C2CD2: variants seen among roughly 807,000 people sequenced by gnomAD.
The protein encoded by C2CD2 is C2 calcium dependent domain containing 2.
Under a neutral mutation model 74.3 loss-of-function variants are expected in C2CD2, and 43 were observed. The observed-to-expected ratio is 0.58, with a 90% CI of 0.45 to 0.75. The LOEUF is 0.75. Among genes scored for constraint, C2CD2 ranks in the 30% least tolerant of loss-of-function variants. The pLI is 0.00. For missense variants in C2CD2, 801 were observed against 916.3 expected, an observed-to-expected ratio of 0.87 and a Z score of 1.63; for synonymous variants, 422 against 390.7, an observed-to-expected ratio of 1.08 and a Z score of -0.94.
At chr21:41,925,805 C>T (rs1455457180) in intron 2 of C2CD2, among the ~76,000 whole-genome samples, 1 of 152,200 alleles carries the variant, frequency 6.6e-6, no homozygotes. Flanking sequence ...CTCCTCCTCT[C>T]TAGTTAGCCT....
chr21:41,951,145 C>T (rs780170983), intron 1 of C2CD2, among the ~76,000 whole-genome samples: 5 of 152,132 alleles, frequency 3.3e-5, no homozygotes, highest in African/African-American at 4.8e-5. Flanking sequence ...ATGTGTGTGA[C>T]AATCGCTGGA....
At chr21:41,893,946 A>G (rs1050759827) in intron 13 of C2CD2, among the ~76,000 whole-genome samples, 2 of 152,010 alleles carry the variant, frequency 1.3e-5, no homozygotes, top group African/African-American at 4.8e-5. Context: ...TGATCCGCCC[A>G]CCTCGGCCTC....
intron 5 of C2CD2, 115 bp downstream of exon 5, chr21:41,917,990 T>C (rs747419380): frequency 8.0e-7 from 1 of 1,244,118 alleles, no homozygotes. Flanking sequence ...CCGAGCCATC[T>C]TGGCTCTACC....
Position 41,942,970 on chromosome 21 carries a change from G to A in C2CD2, c.280-725C>T, listed in dbSNP as rs1016045328. 34 of 983,774 alleles carry A rather than the reference G, an allele frequency of 3.5e-5. No homozygotes were observed. The East Asian group carries it at 5.7e-4, about 16-fold the overall frequency. The allele number at this position is 983,774 out of a possible 1,614,324, so 60.9% of individuals were successfully genotyped here. ...CCCCCAGCATCCTTCCAGGAAACTC[G>A]GTCAGCTCATGTCTGTTCTGGTTCT... On this transcript the variant is annotated intron_variant, in intron 1 of 13. Coordinates refer to ENST00000380486, the MANE Select transcript of C2CD2 (RefSeq NM_015500.2).
chr21:41,951,887 C>A (rs1047041361), intron 1 of C2CD2, among the ~76,000 whole-genome samples: 2 of 152,186 alleles, frequency 1.3e-5, no homozygotes, highest in Non-Finnish European at 2.9e-5. Context: ...GAGTTAGAAG[C>A]TGAACTTAAA....
chr21:41,907,840 A>G, intron 8 of C2CD2, 56 bp from the exon 9 acceptor site: 1 of 1,602,750 alleles, frequency 6.2e-7, no homozygotes, highest in Middle Eastern at 1.8e-4. Context: ...GGCTTCCGTG[A>G]GGACGGAAAG....
chr21:41,919,268 G>A (rs113763566), intron 3 of C2CD2, among the ~76,000 whole-genome samples: 26 of 152,356 alleles, frequency 1.7e-4, no homozygotes, highest in African/African-American at 6.0e-4. Context: ...GTGTGCGCAT[G>A]TCTGCATCAG....
intron 1 of C2CD2, among the ~76,000 whole-genome samples, chr21:41,947,140 C>CTCTCTCTCTCTCTCCCTT (rs71188693): frequency 8.3e-6 from 1 of 120,970 alleles, no homozygotes; most frequent in Non-Finnish European, 1.8e-5. Flanking sequence ...CTCTCTCTCT[C>CTCTCTCTCTCTCTCCCTT]CCTCCCTCCC....
At chr21:41,950,347 C>G (rs1376569647) in intron 1 of C2CD2, among the ~76,000 whole-genome samples, 2 of 152,172 alleles carry the variant, frequency 1.3e-5, no homozygotes, top group African/African-American at 4.8e-5. Flanking sequence ...TCCACCTGGC[C>G]AGCAGGCAGA....
Position 41,923,361 on chromosome 21 carries a change from A to C in C2CD2, c.379-1276T>G, listed in dbSNP as rs2065176248. On this transcript the variant is annotated intron_variant, in intron 2 of 13. Coordinates refer to ENST00000380486, the MANE Select transcript of C2CD2 (RefSeq NM_015500.2). The surrounding 1 kb of genome is among the most constrained non-coding windows in gnomAD (Gnocchi z 5.8). Reference sequence around the variant, plus strand: ...ACAATAGCTGATTTTTAATTCCCCAAATGTTTCCACATTCATACACAGTCA... The same window carrying C: ...ACAATAGCTGATTTTTAATTCCCCACATGTTTCCACATTCATACACAGTCA... 6.6e-6 allele frequency among the ~76,000 whole-genome samples: 1 copy of C among 152,164 alleles called. No individual in the cohort carries two copies. The highest frequency in any genetic ancestry group is 2.1e-4 in the South Asian group (1 of 4,830).
intron 9 of C2CD2, 62 bp from the exon 10 acceptor site, chr21:41,907,228 G>C (rs2064973443): frequency 1.6e-6 from 2 of 1,278,926 alleles, no homozygotes; most frequent in African/African-American, 1.5e-5. Flanking sequence ...TGATCAGCCA[G>C]GTAACACTGC....
In C2CD2 at chr21:41,914,918, C is replaced by T. The variant is rs78727365; in HGVS notation, c.721-197G>A. ...TGAAGGGAGGGAGCCAATGAGCCAT[C>T]GCCATCCTCCTGCCTGGGAGCATTT... On this transcript the variant is annotated intron_variant, in intron 5 of 13. Transcript: ENST00000380486. 2.5e-3 allele frequency among the ~76,000 whole-genome samples: 376 copies of T among 152,236 alleles called. 2 individuals carry two copies. The highest frequency in any genetic ancestry group is 8.3e-3 in the African/African-American group (345 of 41,540).
Position 41,888,957 on chromosome 21 carries a change from G to A in C2CD2, c.*167C>T. 1.6e-6 allele frequency: 1 copy of A among 628,856 alleles called. No homozygotes were observed. The allele number at this position is 628,856 out of a possible 1,614,324, so 39.0% of individuals were successfully genotyped here. A position where few individuals can be genotyped will look rare whatever the true frequency, so the allele number is the denominator to read the frequency against. The stretch of plus-strand genomic sequence containing the variant: ...TTGTCCTCTCTGGGAGAAGCCTCCT[G>A]GCTGGAGACTCAGATTTTGTTTTCC... On this transcript the variant is annotated 3_prime_UTR_variant, in exon 14 of 14. Coordinates refer to ENST00000380486, the MANE Select transcript of C2CD2 (RefSeq NM_015500.2).
chr21:41,952,445 C>T (rs894287235), intron 1 of C2CD2, among the ~76,000 whole-genome samples: 1 of 152,226 alleles, frequency 6.6e-6, no homozygotes, highest in Admixed American at 6.5e-5. Flanking sequence ...CTGAGCTGCA[C>T]AGGCATGTGC....
chr21:41,948,363 A>G (rs1199250136), intron 1 of C2CD2, among the ~76,000 whole-genome samples: 1 of 152,058 alleles, frequency 6.6e-6, no homozygotes, highest in Non-Finnish European at 1.5e-5. Flanking sequence ...GGAGCTGACC[A>G]GGGCATAAGT....
At chr21:41,919,019 T>C in intron 3 of C2CD2, 59 bp from the exon 4 acceptor site, 6 of 1,180,910 alleles carry the variant, frequency 5.1e-6, no homozygotes, top group Non-Finnish European at 7.6e-6. Flanking sequence ...AATGTGCACG[T>C]GCGTGTGCAT....
chr21:41,920,345 A>G lies in C2CD2; in HGVS notation c.493-1385T>C, dbSNP rs578240727. On this transcript the variant is annotated intron_variant, in intron 3 of 13. Coordinates refer to ENST00000380486, the MANE Select transcript of C2CD2 (RefSeq NM_015500.2). The stretch of plus-strand genomic sequence containing the variant: ...ATTCTTCAGCTAGATGCTCCGTCCA[A>G]AGCAAAAATCTTAACTTTGCAGATC... Among the ~76,000 whole-genome samples the G allele has an allele frequency of 6.0e-4, 92 of 152,318 alleles. 3 individuals carry two copies. The South Asian group carries it at 7.3e-3, about 12-fold the overall frequency.
At chr21:41,933,919 T>C (rs1432031753) in intron 2 of C2CD2, among the ~76,000 whole-genome samples, 2 of 152,148 alleles carry the variant, frequency 1.3e-5, no homozygotes, top group East Asian at 3.8e-4. Flanking sequence ...AAGAGCTACG[T>C]GGAAAATTGT....
intron 8 of C2CD2, 126 bp from the exon 9 acceptor site, chr21:41,907,910 C>A: frequency 1.1e-6 from 1 of 942,448 alleles, no homozygotes; most frequent in South Asian, 1.4e-5. Flanking sequence ...CGGGGAAGTG[C>A]TCACGTTTCA....
Sources: gnomAD v4.1 joint callset for allele counts (sites outside exome capture counted in the v4.1 genomes callset) on GRCh38, gnomAD v4.1.1 for gene constraint, Gnocchi (gnomAD v3.1) non-coding constraint, MANE v1.5 for transcripts, NCBI Gene and HGNC (gene_info 2026-07-23, HGNC 2026-07-21) for gene names.